PRKN: variants seen among roughly 807,000 people sequenced by gnomAD.
PRKN encodes the protein parkin RBR E3 ubiquitin protein ligase.
A neutral mutation model predicts 59.5 loss-of-function variants in PRKN; 56 were observed. The ratio of observed to expected loss-of-function variants is 0.94; its 90% CI spans 0.76 to 1.18. PRKN has a LOEUF of 1.18. PRKN is among the 50% of genes most tolerant of loss of function. PRKN has a pLI of 0.00. For missense variants in PRKN, 657 were observed against 596.4 expected (o/e 1.10, Z -1.06); for synonymous variants, 250 against 222.1 (o/e 1.13, Z -1.12).
At chr6:162,491,709 G>T (rs1792824154) in intron 1 of PRKN, among the ~76,000 whole-genome samples, 1 of 152,150 alleles carries the variant, frequency 6.6e-6, no homozygotes, top group Non-Finnish European at 1.5e-5. Context: ...TGCCTTTGAG[G>T]CCCATTCGTC....
At chr6:162,023,569 G>A (rs1225389085) in intron 5 of PRKN, among the ~76,000 whole-genome samples, 1 of 151,602 alleles carries the variant, frequency 6.6e-6, no homozygotes, top group Non-Finnish European at 1.5e-5. Flanking sequence ...TCCTCTCCTC[G>A]CCCTCTCCAC....
At chr6:161,485,833 C>G (rs1791621334) in intron 9 of PRKN, among the ~76,000 whole-genome samples, 1 of 151,732 alleles carries the variant, frequency 6.6e-6, no homozygotes, top group Non-Finnish European at 1.5e-5. Flanking sequence ...ATTGAAATTT[C>G]ATGGAATTAT....
chr6:162,681,826 G>A (rs369356425), intron 1 of PRKN, among the ~76,000 whole-genome samples: 1 of 151,964 alleles, frequency 6.6e-6, no homozygotes, highest in African/African-American at 2.4e-5. Flanking sequence ...CTCTATTTGG[G>A]TCCAAATAGA....
chr6:162,422,776 C>G (rs1789038289), intron 2 of PRKN, among the ~76,000 whole-genome samples: 1 of 151,854 alleles, frequency 6.6e-6, no homozygotes, highest in Non-Finnish European at 1.5e-5. Context: ...GAAACCCTGT[C>G]TCTACTAAAA....
chr6:162,442,255 C>A (rs190294737), intron 2 of PRKN, among the ~76,000 whole-genome samples: 1 of 152,170 alleles, frequency 6.6e-6, no homozygotes, highest in African/African-American at 2.4e-5. Flanking sequence ...GATGCAGATA[C>A]AAGGACGGAC....
chr6:162,700,933 T>C (rs1324976028), intron 1 of PRKN, among the ~76,000 whole-genome samples: 6 of 152,136 alleles, frequency 3.9e-5, no homozygotes, highest in South Asian at 2.1e-4. Flanking sequence ...CCTCATGACA[T>C]ACTTTGCTAT....
At chr6:161,506,812 G>T (rs895168477) in intron 9 of PRKN, among the ~76,000 whole-genome samples, 1 of 152,228 alleles carries the variant, frequency 6.6e-6, no homozygotes, top group African/African-American at 2.4e-5. Context: ...CAAAAAGCTT[G>T]CTCAGTTGTA....
chr6:162,098,441 C>T lies in PRKN; in HGVS notation c.535-44267G>A, dbSNP rs191337668. On this transcript the variant is annotated intron_variant, in intron 4 of 11. Transcript: ENST00000366898. Reference sequence around the variant, plus strand: ...GCACACTGATGGTATGTTTCGCATCCGTTGGGATGCATCAACTGATTTTGG... The same window carrying T: ...GCACACTGATGGTATGTTTCGCATCTGTTGGGATGCATCAACTGATTTTGG... Among the ~76,000 whole-genome samples, 356 of 152,226 alleles carry T rather than the reference C, an allele frequency of 2.3e-3. 2 individuals carry two copies. Among genetic ancestry groups the T allele is most frequent in the Non-Finnish European group, 2.9e-3 (198 of 68,006 alleles).
chr6:162,411,340 C>A (rs887009604), intron 2 of PRKN, among the ~76,000 whole-genome samples: 1 of 152,092 alleles, frequency 6.6e-6, no homozygotes, highest in African/African-American at 2.4e-5. Flanking sequence ...ACCGGAATGA[C>A]CATGAATCAC....
intron 3 of PRKN, among the ~76,000 whole-genome samples, chr6:162,218,725 C>A (rs1268779206): frequency 2.0e-5 from 3 of 151,998 alleles, no homozygotes; most frequent in Admixed American, 2.0e-4. Flanking sequence ...GTGCTGGGAA[C>A]CTAACAGTGA....
chr6:162,403,996 G>A (rs576277605), intron 2 of PRKN, among the ~76,000 whole-genome samples: 2 of 152,210 alleles, frequency 1.3e-5, no homozygotes, highest in South Asian at 4.2e-4. Flanking sequence ...GATTTTGCCT[G>A]GTATCCCAGT....
intron 1 of PRKN, among the ~76,000 whole-genome samples, chr6:162,566,314 TGA>T (rs1562391497): frequency 6.6e-6 from 1 of 151,114 alleles, no homozygotes; most frequent in African/African-American, 2.4e-5. Flanking sequence ...TAAATTGAAA[TGA>T]AAAAAATACA....
At chr6:162,668,196 T>G (rs1205588345) in intron 1 of PRKN, among the ~76,000 whole-genome samples, 1 of 152,238 alleles carries the variant, frequency 6.6e-6, no homozygotes, top group Non-Finnish European at 1.5e-5. Context: ...ATCAAGATTT[T>G]CACAGTTATA....
chr6:162,001,847 C>CTTTTT (rs35789599), intron 5 of PRKN, among the ~76,000 whole-genome samples: 1 of 116,626 alleles, frequency 8.6e-6, no homozygotes, highest in African/African-American at 3.3e-5. Flanking sequence ...TTGCAAATAG[C>CTTTTT]TTTTTTTTTT....
At chr6:162,044,916 A>G (rs1202777416) in intron 5 of PRKN, among the ~76,000 whole-genome samples, 1 of 152,222 alleles carries the variant, frequency 6.6e-6, no homozygotes, top group Non-Finnish European at 1.5e-5. Flanking sequence ...CTATTCACAG[A>G]GGGAAGTCCT....
At chr6:162,648,124 A>G (rs1778267996) in intron 1 of PRKN, among the ~76,000 whole-genome samples, 1 of 152,120 alleles carries the variant, frequency 6.6e-6, no homozygotes, top group African/African-American at 2.4e-5. Context: ...GCGATGTAAA[A>G]TGGCAGTATT....
intron 2 of PRKN, among the ~76,000 whole-genome samples, chr6:162,327,860 A>T (rs1479451369): frequency 6.6e-6 from 1 of 152,122 alleles, no homozygotes; most frequent in Non-Finnish European, 1.5e-5. Flanking sequence ...GGCCAAGGGA[A>T]CACGAAGAAG....
At chr6:162,509,053 T>C (rs1188068267) in intron 1 of PRKN, among the ~76,000 whole-genome samples, 1 of 152,122 alleles carries the variant, frequency 6.6e-6, no homozygotes, top group Non-Finnish European at 1.5e-5. Context: ...CAGTGACAAG[T>C]CATTAAACTT....
intron 1 of PRKN, among the ~76,000 whole-genome samples, chr6:162,718,161 T>G (rs1232175080): frequency 6.6e-6 from 1 of 151,138 alleles, no homozygotes; most frequent in East Asian, 2.0e-4. Context: ...TTGTCCATCT[T>G]AGATCACTTA....
Sources: allele counts gnomAD v4.1 joint callset (sites outside exome capture counted in the v4.1 genomes callset), GRCh38; gene constraint gnomAD v4.1.1; transcripts MANE v1.5; gene names NCBI Gene and HGNC (gene_info 2026-07-23, HGNC 2026-07-21).